The following PATJ variants were observed in gnomAD, a reference collection of about 807,000 sequenced individuals.
PATJ encodes the protein inaD-like protein.
A neutral mutation model predicts 224.9 loss-of-function variants in PATJ; 190 were observed. The observed-to-expected ratio is 0.84, with a 90% CI of 0.75 to 0.95. The LOEUF (loss-of-function observed/expected upper bound fraction) is 0.95. Ranked by LOEUF, PATJ falls within the 40% of genes least tolerant of loss-of-function variation. PATJ has a pLI of 0.00. For synonymous variants in PATJ, 769 were observed against 820.3 expected (o/e 0.94, Z 1.07); for missense variants, 2,121 against 2,270.3 (o/e 0.93, Z 1.34).
At chr1:61,965,767 C>T (rs569485708) in intron 27 of PATJ, among the ~76,000 whole-genome samples, 38 of 152,244 alleles carry the variant, frequency 2.5e-4, no homozygotes, top group South Asian at 4.1e-4. Context: ...CCGTTTTAAC[C>T]GAGGAGGCAG....
intron 25 of PATJ, among the ~76,000 whole-genome samples, chr1:61,914,019 T>C (rs1477983005): frequency 1.3e-5 from 2 of 152,252 alleles, no homozygotes; most frequent in African/African-American, 4.8e-5. Context: ...GGCATATATA[T>C]AACTTTATAA....
At chr1:61,917,515 A>C (rs1320838057) in intron 26 of PATJ, among the ~76,000 whole-genome samples, 1 of 152,166 alleles carries the variant, frequency 6.6e-6, no homozygotes, top group East Asian at 1.9e-4. Flanking sequence ...AATGTAGTAA[A>C]TTATATTAAT....
At chr1:61,934,711 C>T (rs1221112716) in intron 27 of PATJ, among the ~76,000 whole-genome samples, 1 of 152,134 alleles carries the variant, frequency 6.6e-6, no homozygotes, top group African/African-American at 2.4e-5. Flanking sequence ...GTCTTCCCCA[C>T]TTAACACTCT....
chr1:61,872,116 CTTTG>C (rs148933214), intron 20 of PATJ, among the ~76,000 whole-genome samples: 4,538 of 152,222 alleles, frequency 0.03, 80 homozygotes, highest in Middle Eastern at 0.044. Flanking sequence ...TTACCATTAA[CTTTG>C]TTTAAGAAGT....
At position 62,148,313 on chromosome 1, in the gene PATJ, A is replaced by G; in HGVS notation, c.5301A>G (p.Ile1767Met). ...TAGCAGATACCAATATAAGCGCCAT[A>G]GCAGCTCAGCTTGAAAACATGTCTA... ...QVVADTNISA[I>M]AAQLENMSTG... The change falls in exon 42 of 44, where the codon ATA (isoleucine) becomes ATG (methionine). Residue 1767 changes from isoleucine to methionine, a missense_variant. Physicochemically the swap from Ile to Met is conservative, Grantham distance 10 (BLOSUM62 1). Transcript: ENST00000642238. 1.2e-6 allele frequency: 2 copies of G among 1,613,884 alleles called. No individual in the cohort carries two copies. The highest frequency in any genetic ancestry group is 1.7e-6 in the Non-Finnish European group (2 of 1,179,902).
chr1:61,890,073 T>C (rs571191947), intron 22 of PATJ, among the ~76,000 whole-genome samples: 1 of 152,226 alleles, frequency 6.6e-6, no homozygotes, highest in Non-Finnish European at 1.5e-5. Context: ...GGATGTATTA[T>C]GAGTGATGTT....
intron 29 of PATJ, among the ~76,000 whole-genome samples, chr1:62,021,407 C>G (rs889889000): frequency 3.5e-4 from 53 of 152,156 alleles, no homozygotes; most frequent in Non-Finnish European, 1.5e-5. Flanking sequence ...CACAAACATT[C>G]AGACTGTAGC....
intron 30 of PATJ, among the ~76,000 whole-genome samples, chr1:62,046,819 A>G (rs1007244940): frequency 6.6e-6 from 1 of 152,154 alleles, no homozygotes; most frequent in African/African-American, 2.4e-5. Context: ...GCTTCATTTG[A>G]TCCTCTAGTT....
chr1:61,775,514 G>C (rs1327273618), intron 7 of PATJ, among the ~76,000 whole-genome samples, 180 bp downstream of exon 7: 1 of 152,102 alleles, frequency 6.6e-6, no homozygotes, highest in African/African-American at 2.4e-5. Flanking sequence ...ATTTTAAACA[G>C]TTCCTAAATC....
chr1:61,949,130 G>A (rs997200011), intron 27 of PATJ, among the ~76,000 whole-genome samples: 2 of 151,762 alleles, frequency 1.3e-5, no homozygotes, highest in East Asian at 3.9e-4. Flanking sequence ...ACAAGTTAAC[G>A]GGTGCAGCAC....
intron 10 of PATJ, 43 bp from the exon 11 acceptor site, chr1:61,797,244 G>C: frequency 6.3e-7 from 1 of 1,578,568 alleles, no homozygotes; most frequent in Non-Finnish European, 8.7e-7. Context: ...AAAAATAGTA[G>C]CTAATTTAAA....
intron 3 of PATJ, among the ~76,000 whole-genome samples, chr1:61,765,090 T>TTTTTTTTTTTTTTTTTTTTC (rs1646192958): frequency 7.9e-6 from 1 of 126,596 alleles, no homozygotes; most frequent in Non-Finnish European, 1.6e-5. Flanking sequence ...TTTTTTTTTT[T>TTTTTTTTTTTTTTTTTTTTC]TTTTTTTTTG....
At chr1:61,744,799 C>A (rs894650296) in intron 1 of PATJ, among the ~76,000 whole-genome samples, 15 of 152,258 alleles carry the variant, frequency 9.9e-5, no homozygotes, top group African/African-American at 3.6e-4. Context: ...ACTTCTGATG[C>A]CAATCACAAG....
At chr1:61,947,524 T>C (rs900700990) in intron 27 of PATJ, among the ~76,000 whole-genome samples, 6 of 152,132 alleles carry the variant, frequency 3.9e-5, no homozygotes, top group Admixed American at 6.6e-5. Context: ...GAAGGACCTC[T>C]TCAAGGAGAA....
At chr1:62,091,212 T>C (rs1277376892) in intron 33 of PATJ, among the ~76,000 whole-genome samples, 1 of 152,170 alleles carries the variant, frequency 6.6e-6, no homozygotes, top group African/African-American at 2.4e-5. Flanking sequence ...TTTCCTTCCC[T>C]GATACCATTG....
intron 22 of PATJ, among the ~76,000 whole-genome samples, chr1:61,895,577 C>G (rs1462314010): frequency 6.6e-6 from 1 of 152,152 alleles, no homozygotes; most frequent in Non-Finnish European, 1.5e-5. Context: ...TGAGAGTGCA[C>G]AGAAGACAAG....
rs1331596909 is a variant in PATJ at position 61,861,678 on chromosome 1, A to C, written c.2439+11A>C. The C allele has an allele frequency of 1.7e-6, 2 of 1,157,730 alleles. No homozygotes were observed. The highest frequency in any genetic ancestry group is 3.4e-5 in the South Asian group (2 of 58,876). 71.7% of individuals were successfully genotyped at this position (1,157,730 alleles called of 1,614,324 possible). A position where few individuals can be genotyped will look rare whatever the true frequency, so the allele number is the denominator to read the frequency against. On this transcript the variant is annotated intron_variant, in intron 19 of 43. Transcript: ENST00000642238. ...CTCGAAGCACCCAAGGTATTTAATA[A>C]ATTTATTTCCCATTTGAATGATTTG... is the stretch of plus-strand genomic sequence containing the variant.
intron 29 of PATJ, among the ~76,000 whole-genome samples, chr1:62,030,233 A>G (rs528097803): frequency 6.6e-6 from 1 of 152,362 alleles, no homozygotes; most frequent in African/African-American, 2.4e-5. Flanking sequence ...AGCACCTGGA[A>G]GTTTAAGCAT....
chr1:61,780,822 T>C (rs1202233197), intron 7 of PATJ, among the ~76,000 whole-genome samples: 1 of 152,220 alleles, frequency 6.6e-6, no homozygotes, highest in Non-Finnish European at 1.5e-5. Context: ...GTGCAGAGTT[T>C]CCCAGATTAA....
Sources: allele counts gnomAD v4.1 joint callset (sites outside exome capture counted in the v4.1 genomes callset), GRCh38; gene constraint gnomAD v4.1.1; transcripts MANE v1.5; gene names NCBI Gene and HGNC (gene_info 2026-07-23, HGNC 2026-07-21).